The following ERG variants were observed in gnomAD, a reference collection of about 807,000 sequenced individuals.
The protein encoded by ERG is ETS transcription factor ERG.
In ERG, 9 loss-of-function variants were observed where a neutral mutation model predicts 55.3. That is an observed-to-expected ratio of 0.16 (90% CI 0.10 to 0.28). The LOEUF is 0.28. ERG is among the 10% of genes least tolerant of loss of function. The probability of loss-of-function intolerance (pLI) is 1.00; values close to 1 mark genes in which losing one functional copy is unlikely to be tolerated. For missense variants in ERG, 434 were observed against 631.6 expected (o/e 0.69, Z 3.35); for synonymous variants, 223 against 237.3 (o/e 0.94, Z 0.55).
intron 1 of ERG, among the ~76,000 whole-genome samples, chr21:38,479,912 A>C (rs1332667242): frequency 1.3e-5 from 2 of 152,238 alleles, no homozygotes; most frequent in African/African-American, 4.8e-5. Context: ...TTGTAAGTAC[A>C]GAACTTTCAC....
chr21:38,405,265 G>A (rs902070878), intron 3 of ERG, among the ~76,000 whole-genome samples: 3 of 152,036 alleles, frequency 2.0e-5, no homozygotes, highest in Non-Finnish European at 4.4e-5. Context: ...TTTGCTATTG[G>A]CACTCAATGT....
intron 1 of ERG, among the ~76,000 whole-genome samples, chr21:38,580,530 T>G (rs2146874752): frequency 6.6e-6 from 1 of 152,354 alleles, no homozygotes; most frequent in East Asian, 1.9e-4. Context: ...GAAAATCATT[T>G]CTTTAATACT....
At chr21:38,623,217 TCACA>T (rs899526874) in intron 1 of ERG, among the ~76,000 whole-genome samples, 2 of 141,814 alleles carry the variant, frequency 1.4e-5, no homozygotes, top group East Asian at 4.3e-4. Context: ...ATAACACACA[TCACA>T]CACACACAGA....
At chr21:38,641,313 C>A (rs2060423531) in intron 1 of ERG, among the ~76,000 whole-genome samples, 2 of 152,306 alleles carry the variant, frequency 1.3e-5, no homozygotes, top group South Asian at 4.1e-4. Flanking sequence ...GAGGACACAG[C>A]AAGAAGATGC....
chr21:38,634,727 T>C (rs2060377969), intron 1 of ERG, among the ~76,000 whole-genome samples: 1 of 152,232 alleles, frequency 6.6e-6, no homozygotes, highest in African/African-American at 2.4e-5. Flanking sequence ...CTATTAAAAA[T>C]AGTCAGCTCC....
chr21:38,573,991 AT>A (rs1487067222), intron 2 of ERG, among the ~76,000 whole-genome samples: 1 of 152,186 alleles, frequency 6.6e-6, no homozygotes, highest in South Asian at 2.1e-4. Context: ...TTTGTATGGG[AT>A]TGTTTCACCT....
chr21:38,426,571 C>A lies in ERG; in HGVS notation c.237-3010G>T, dbSNP rs551649028. 3.9e-5 allele frequency among the ~76,000 whole-genome samples: 6 copies of A among 152,286 alleles called. No homozygotes were observed. The South Asian group carries it at 1.2e-3, about 32-fold the overall frequency. ...GTGCCGGCCGTATACCAGGTCCCAT[C>A]AATTCTTTCTTCTCCAACAACGCAG... On this transcript the variant is annotated intron_variant, in intron 2 of 9. Transcript: ENST00000288319.
intron 1 of ERG, among the ~76,000 whole-genome samples, chr21:38,613,042 C>G (rs960102203): frequency 6.6e-6 from 1 of 152,170 alleles, no homozygotes; most frequent in South Asian, 2.1e-4. Flanking sequence ...AGGCGGGGCC[C>G]ATTGAAATCC....
At chr21:38,555,830 C>T (rs936431090) in intron 2 of ERG, among the ~76,000 whole-genome samples, 1 of 152,106 alleles carries the variant, frequency 6.6e-6, no homozygotes, top group African/African-American at 2.4e-5. Flanking sequence ...ATTGGGGAAA[C>T]AAGTAATGTC....
chr21:38,404,505 C>G (rs1409777644), intron 3 of ERG, among the ~76,000 whole-genome samples: 2 of 152,168 alleles, frequency 1.3e-5, no homozygotes, highest in Non-Finnish European at 2.9e-5. Flanking sequence ...CCAACAGAAA[C>G]GCCAGCCGGG....
intron 1 of ERG, among the ~76,000 whole-genome samples, chr21:38,584,607 T>C (rs998597093): frequency 1.3e-5 from 2 of 152,148 alleles, no homozygotes; most frequent in Non-Finnish European, 2.9e-5. Flanking sequence ...ATCTCCACAC[T>C]GTAGGGCCAG....
At chr21:38,638,266 T>C (rs1200680402) in intron 1 of ERG, among the ~76,000 whole-genome samples, 1 of 152,194 alleles carries the variant, frequency 6.6e-6, no homozygotes, top group Non-Finnish European at 1.5e-5. Flanking sequence ...AGTGGGTTGT[T>C]GTGAGGATTT....
intron 1 of ERG, among the ~76,000 whole-genome samples, chr21:38,579,248 C>T (rs139975236): frequency 6.6e-6 from 1 of 152,308 alleles, no homozygotes; most frequent in African/African-American, 2.4e-5. Flanking sequence ...CCAACCAAGA[C>T]ATAAACTAAA....
In ERG at chr21:38,543,623, C is replaced by A. The variant is rs79775207; in HGVS notation, c.-41+32039G>T. Among the ~76,000 whole-genome samples the A allele has an allele frequency of 3.1e-3, 471 of 151,934 alleles. 1 individual carries two copies. Among genetic ancestry groups the A allele is most frequent in the Middle Eastern group, 0.01 (3 of 294 alleles). ...TAAAAACCCCTGCTCTTGTGGAGTT[C>A]CCTTCTCATTGGAAGAGACGTACAG... On this transcript the variant is annotated intron_variant, in intron 2 of 8. Coordinates refer to the ERG transcript ENST00000398897.
intron 1 of ERG, among the ~76,000 whole-genome samples, chr21:38,459,858 T>C (rs991637163): frequency 6.6e-6 from 1 of 152,240 alleles, no homozygotes; most frequent in Non-Finnish European, 1.5e-5. Context: ...GCTTGTATTC[T>C]AGCACTACAA....
At chr21:38,482,237 A>G (rs1176267116) in intron 1 of ERG, among the ~76,000 whole-genome samples, 2 of 152,224 alleles carry the variant, frequency 1.3e-5, no homozygotes. Flanking sequence ...AAAAAGACAT[A>G]ATAATGAACA....
At chr21:38,482,255 T>A (rs894325898) in intron 1 of ERG, among the ~76,000 whole-genome samples, 1 of 152,192 alleles carries the variant, frequency 6.6e-6, no homozygotes, top group African/African-American at 2.4e-5. Context: ...ACAATGGGTA[T>A]ACGACAAGGT....
At chr21:38,532,273 T>G (rs1477287516) in intron 2 of ERG, among the ~76,000 whole-genome samples, 1 of 152,116 alleles carries the variant, frequency 6.6e-6, no homozygotes, top group Non-Finnish European at 1.5e-5. Context: ...CTGGATTCTT[T>G]TGAGTTGCAA....
At chr21:38,394,610 C>T (rs1461927746) in intron 6 of ERG, among the ~76,000 whole-genome samples, 1 of 152,158 alleles carries the variant, frequency 6.6e-6, no homozygotes, top group Admixed American at 6.5e-5. Flanking sequence ...CCTCAGCCTC[C>T]TAAAGTGCTG....
Sources: gnomAD v4.1 joint callset for allele counts (sites outside exome capture counted in the v4.1 genomes callset) on GRCh38, gnomAD v4.1.1 for gene constraint, MANE v1.5 for transcripts, NCBI Gene and HGNC (gene_info 2026-07-23, HGNC 2026-07-21) for gene names.